Variants in ST6GALNAC3 observed in about 807,000 individuals in gnomAD.
ST6GALNAC3 encodes the protein alpha-N-acetylgalactosaminide alpha-2,6-sialyltransferase 3.
ST6GALNAC3 carries 25 observed loss-of-function variants against 32.7 expected under a neutral mutation model. The observed-to-expected ratio is 0.76, with a 90% CI of 0.56 to 1.07. The LOEUF is 1.07. ST6GALNAC3 is among the 50% of genes least tolerant of loss of function. The probability of loss-of-function intolerance (pLI) is 0.00; values close to 1 mark genes in which losing one functional copy is unlikely to be tolerated. For missense variants in ST6GALNAC3, 355 were observed against 382.4 expected (o/e 0.93, Z 0.60); for synonymous variants, 129 against 133.1 (o/e 0.97, Z 0.21).
intron 1 of ST6GALNAC3, among the ~76,000 whole-genome samples, chr1:76,173,554 C>G (rs920316584): frequency 3.7e-4 from 56 of 152,152 alleles, no homozygotes; most frequent in Admixed American, 2.9e-3. Context: ...AGGCAACCTA[C>G]AGAATGGTAG....
At chr1:76,527,886 G>A (rs1663011441) in intron 3 of ST6GALNAC3, among the ~76,000 whole-genome samples, 1 of 151,926 alleles carries the variant, frequency 6.6e-6, no homozygotes, top group African/African-American at 2.4e-5. Context: ...GAAGAAAGAG[G>A]GTATCAGCAG....
chr1:76,447,836 A>G (rs1278605913), intron 3 of ST6GALNAC3, among the ~76,000 whole-genome samples: 1 of 152,182 alleles, frequency 6.6e-6, no homozygotes. Flanking sequence ...GGATGTATGG[A>G]AACACCTGGA....
intron 3 of ST6GALNAC3, among the ~76,000 whole-genome samples, chr1:76,428,798 T>G (rs1309072010): frequency 6.6e-6 from 1 of 152,140 alleles, no homozygotes; most frequent in Non-Finnish European, 1.5e-5. Context: ...CTAATGAAAG[T>G]GTGACAATTA....
At chr1:76,408,351 C>A (rs1267327627) in intron 2 of ST6GALNAC3, among the ~76,000 whole-genome samples, 2 of 152,048 alleles carry the variant, frequency 1.3e-5, no homozygotes, top group Non-Finnish European at 2.9e-5. Context: ...AAGATGACGG[C>A]CATGGTGACA....
intron 1 of ST6GALNAC3, among the ~76,000 whole-genome samples, chr1:76,237,107 C>T (rs142604194): frequency 6.6e-5 from 10 of 152,252 alleles, no homozygotes; most frequent in East Asian, 3.9e-4. Flanking sequence ...GTTTATGATG[C>T]GGGTGTGAAA....
chr1:76,303,099 T>G (rs1000915106), intron 1 of ST6GALNAC3, among the ~76,000 whole-genome samples: 1 of 101,960 alleles, frequency 9.8e-6, no homozygotes, highest in African/African-American at 2.7e-5. Context: ...AAGGTCACAG[T>G]CCTATGCAAG....
chr1:76,536,304 T>C (rs1663592766), intron 3 of ST6GALNAC3, among the ~76,000 whole-genome samples: 1 of 152,126 alleles, frequency 6.6e-6, no homozygotes, highest in Non-Finnish European at 1.5e-5. Context: ...TATGAAGAAA[T>C]ACCTGAGGCT....
At chr1:76,340,064 A>G (rs1049384009) in intron 2 of ST6GALNAC3, among the ~76,000 whole-genome samples, 1 of 152,218 alleles carries the variant, frequency 6.6e-6, no homozygotes, top group Admixed American at 6.5e-5. Flanking sequence ...TAATGATAAT[A>G]ATTACCTCAC....
chr1:76,400,907 A>AT (rs1653365794), intron 2 of ST6GALNAC3, among the ~76,000 whole-genome samples: 1 of 151,658 alleles, frequency 6.6e-6, no homozygotes, highest in Non-Finnish European at 1.5e-5. Context: ...AAAAAGAAAA[A>AT]AAAAAAGAAT....
intron 1 of ST6GALNAC3, among the ~76,000 whole-genome samples, chr1:76,279,495 G>T (rs908748481): frequency 4.6e-5 from 7 of 152,194 alleles, no homozygotes; most frequent in African/African-American, 1.4e-4. Context: ...CTTCGCGGGT[G>T]GGGGGAATGT....
At chr1:76,586,202 AT>A (rs893120688) in intron 3 of ST6GALNAC3, among the ~76,000 whole-genome samples, 1 of 152,206 alleles carries the variant, frequency 6.6e-6, no homozygotes, top group African/African-American at 2.4e-5. Context: ...TATAAACTAT[AT>A]TTAGAAGTCT....
chr1:76,183,411 A>G (rs1336451328), intron 1 of ST6GALNAC3, among the ~76,000 whole-genome samples: 1 of 152,164 alleles, frequency 6.6e-6, no homozygotes, highest in East Asian at 1.9e-4. Context: ...GAGACAAATA[A>G]TGACTATATA....
At chr1:76,086,834 G>A (rs933418036) in intron 1 of ST6GALNAC3, among the ~76,000 whole-genome samples, 5 of 152,130 alleles carry the variant, frequency 3.3e-5, no homozygotes, top group Admixed American at 6.5e-5. Flanking sequence ...TCACACCTTT[G>A]CCATGGCCTG....
chr1:76,337,836 C>T (rs937249114), intron 2 of ST6GALNAC3, among the ~76,000 whole-genome samples: 12 of 152,112 alleles, frequency 7.9e-5, no homozygotes, highest in African/African-American at 4.8e-5. Context: ...TTGGGATCTA[C>T]GTCTAGCACT....
At position 76,498,727 on chromosome 1, in the gene ST6GALNAC3, GAA is replaced by G. The variant is rs55682036; in HGVS notation, c.623+86321_623+86322del. Among the ~76,000 whole-genome samples, 398 of 143,086 alleles carry G rather than the reference GAA, an allele frequency of 2.8e-3. 2 individuals carry two copies. The highest frequency in any genetic ancestry group is 0.017 in the South Asian group (78 of 4,640). 93.9% of individuals were successfully genotyped at this position (143,086 alleles called of 152,430 possible). ...GCCTCCTTTGATTCGCAACAAAGCA[GAA>G]AAAAAAAAAACGGAGAAGAAATTTC... On this transcript the variant is annotated intron_variant, in intron 3 of 4. Coordinates refer to ENST00000328299, the MANE Select transcript of ST6GALNAC3 (RefSeq NM_152996.4).
At chr1:76,616,926 C>T (rs970252499) in intron 3 of ST6GALNAC3, among the ~76,000 whole-genome samples, 4 of 152,062 alleles carry the variant, frequency 2.6e-5, no homozygotes, top group African/African-American at 9.7e-5. Context: ...AAGGTCAGAG[C>T]TGCTTTATAT....
intron 2 of ST6GALNAC3, among the ~76,000 whole-genome samples, chr1:76,322,963 C>A (rs1646998248): frequency 6.6e-6 from 1 of 152,096 alleles, no homozygotes. Context: ...GCCTCAGCCT[C>A]CCGAGTAGCT....
intron 1 of ST6GALNAC3, among the ~76,000 whole-genome samples, chr1:76,112,815 G>C (rs925724762): frequency 4.5e-4 from 69 of 151,784 alleles, no homozygotes; most frequent in African/African-American, 1.5e-3. Context: ...CTTCCTAGAT[G>C]GGTTGGTGGC....
chr1:76,158,241 CT>C (rs1304700791), intron 1 of ST6GALNAC3, among the ~76,000 whole-genome samples: 1 of 151,776 alleles, frequency 6.6e-6, no homozygotes, highest in Non-Finnish European at 1.5e-5. Context: ...GGTGGTTTTA[CT>C]TTTTTTTTCT....
Sources: gnomAD v4.1 joint callset for allele counts (sites outside exome capture counted in the v4.1 genomes callset) on GRCh38, gnomAD v4.1.1 for gene constraint, MANE v1.5 for transcripts, NCBI Gene and HGNC (gene_info 2026-07-23, HGNC 2026-07-21) for gene names.